TSPAN14: variants seen among roughly 807,000 people sequenced by gnomAD.
TSPAN14 encodes the protein tetraspanin 14.
TSPAN14 carries 16 observed loss-of-function variants against 36.6 expected under a neutral mutation model. The ratio of observed to expected loss-of-function variants is 0.44; its 90% CI spans 0.30 to 0.66. The LOEUF (loss-of-function observed/expected upper bound fraction) is 0.66. Among genes scored for constraint, TSPAN14 ranks in the 30% least tolerant of loss-of-function variants. The pLI, the probability that TSPAN14 is intolerant of heterozygous loss-of-function variation, is 0.12. For missense variants in TSPAN14, 231 were observed against 355.1 expected (o/e 0.65, Z 2.81); for synonymous variants, 139 against 143.8 (o/e 0.97, Z 0.24).
At chr10:80,511,709 G>GT (rs1840630278) in intron 5 of TSPAN14, among the ~76,000 whole-genome samples, 1 of 80,404 alleles carries the variant, frequency 1.2e-5, no homozygotes, top group East Asian at 3.2e-4. Context: ...AAAAGGGCAG[G>GT]TCCTCTCTCT....
At chr10:80,470,894 G>C (rs1846511643) in intron 1 of TSPAN14, among the ~76,000 whole-genome samples, 1 of 152,138 alleles carries the variant, frequency 6.6e-6, no homozygotes. Flanking sequence ...TTCATTGGAG[G>C]GTCAGTCTCG....
chr10:80,480,270 T>G (rs1847181545), intron 1 of TSPAN14, among the ~76,000 whole-genome samples: 1 of 151,700 alleles, frequency 6.6e-6, no homozygotes, highest in African/African-American at 2.4e-5. Context: ...CTTTTCCTAA[T>G]TGAATACCCT....
intron 1 of TSPAN14, among the ~76,000 whole-genome samples, chr10:80,456,036 C>T (rs146801019): frequency 5.5e-4 from 84 of 152,248 alleles, no homozygotes; most frequent in Middle Eastern, 3.4e-3. Flanking sequence ...CTGCTTGGGC[C>T]ACCTAATGTC....
intron 2 of TSPAN14, among the ~76,000 whole-genome samples, chr10:80,495,341 G>A (rs1358015178): frequency 4.5e-5 from 4 of 88,734 alleles, no homozygotes; most frequent in African/African-American, 2.6e-4. Context: ...GGCACTGTGT[G>A]TGTGTGTGTG....
intron 1 of TSPAN14, among the ~76,000 whole-genome samples, chr10:80,474,380 G>T (rs1263828635): frequency 6.6e-6 from 1 of 151,968 alleles, no homozygotes; most frequent in Non-Finnish European, 1.5e-5. Flanking sequence ...GGGTGGGGTT[G>T]AAGGTAGAGA....
chr10:80,454,527 G>A (rs1481873915), intron 1 of TSPAN14, among the ~76,000 whole-genome samples, 156 bp downstream of exon 1: 1 of 151,768 alleles, frequency 6.6e-6, no homozygotes, highest in Non-Finnish European at 1.5e-5. Context: ...GAGCGGCCCC[G>A]CGGGCGGCGC....
At chr10:80,473,429 G>T (rs1274484753) in intron 1 of TSPAN14, among the ~76,000 whole-genome samples, 9 of 152,338 alleles carry the variant, frequency 5.9e-5, no homozygotes, top group East Asian at 1.9e-4. Flanking sequence ...CCTTTGGAGA[G>T]CCTGGTGGAG....
At chr10:80,487,711 T>C (rs1166615395) in intron 1 of TSPAN14, among the ~76,000 whole-genome samples, 2 of 142,654 alleles carry the variant, frequency 1.4e-5, no homozygotes, top group South Asian at 2.4e-4. Flanking sequence ...GCAAGTTTTA[T>C]GGATGTGCTC....
chr10:80,519,324 C>T (rs1368801484), exon 9 of TSPAN14: 1 of 152,684 alleles, frequency 6.5e-6, no homozygotes, highest in Non-Finnish European at 1.5e-5. Context: ...TGGGGCTGCT[C>T]TTGGAAATGA....
In TSPAN14 at chr10:80,509,185, C is replaced by T; in HGVS notation, c.280-116C>T. Reference sequence around the variant, plus strand: ...TTCTGGGGCCCCGATGTGGGACTCTCAGGTGCAGAGCCCACGCTCTGCTGA... The same window carrying T: ...TTCTGGGGCCCCGATGTGGGACTCTTAGGTGCAGAGCCCACGCTCTGCTGA... On this transcript the variant is annotated intron_variant, in intron 4 of 8. Transcript: ENST00000429989. The surrounding 1 kb of genome is among the most constrained non-coding windows in gnomAD (Gnocchi z 4.7). The T allele has an allele frequency of 8.7e-7, 1 of 1,153,982 alleles. No homozygotes were observed. Among genetic ancestry groups the T allele is most frequent in the Non-Finnish European group, 1.2e-6 (1 of 815,962 alleles). The allele number at this position is 1,153,982 out of a possible 1,614,324, so 71.5% of individuals were successfully genotyped here. A position where few individuals can be genotyped will look rare whatever the true frequency, so the allele number is the denominator to read the frequency against.
At chr10:80,470,000 C>G (rs935779350) in intron 1 of TSPAN14, among the ~76,000 whole-genome samples, 1 of 152,170 alleles carries the variant, frequency 6.6e-6, no homozygotes, top group Non-Finnish European at 1.5e-5. Flanking sequence ...TACTTCCTCC[C>G]ATATACTTTA....
chr10:80,510,978 C>A (rs752455742), intron 5 of TSPAN14, among the ~76,000 whole-genome samples: 40 of 152,192 alleles, frequency 2.6e-4, no homozygotes, highest in Non-Finnish European at 5.0e-4. Flanking sequence ...TTCAGGTAAT[C>A]ACTAAAGCAA....
At chr10:80,462,790 T>C (rs142198692) in intron 1 of TSPAN14, among the ~76,000 whole-genome samples, 96 of 152,244 alleles carry the variant, frequency 6.3e-4, no homozygotes, top group African/African-American at 2.1e-3. Flanking sequence ...TCCTTGGAAT[T>C]GGGCCAGGCC....
chr10:80,479,650 ATATC>A (rs1589255631), intron 1 of TSPAN14, among the ~76,000 whole-genome samples: 1 of 152,134 alleles, frequency 6.6e-6, no homozygotes, highest in East Asian at 1.9e-4. Context: ...CCATTGGTCT[ATATC>A]TCTGTTTTGG....
intron 1 of TSPAN14, among the ~76,000 whole-genome samples, chr10:80,479,544 T>C (rs979557849): frequency 1.3e-5 from 2 of 152,046 alleles, no homozygotes; most frequent in African/African-American, 4.8e-5. Flanking sequence ...ATTTATTAAA[T>C]AGGGAATCCT....
At chr10:80,478,236 T>C (rs1430213762) in intron 1 of TSPAN14, among the ~76,000 whole-genome samples, 2 of 152,028 alleles carry the variant, frequency 1.3e-5, no homozygotes, top group African/African-American at 4.8e-5. Flanking sequence ...AGAAAATTTT[T>C]CAAAAATAAG....
At chr10:80,484,937 T>C (rs990065791) in intron 1 of TSPAN14, among the ~76,000 whole-genome samples, 2 of 152,238 alleles carry the variant, frequency 1.3e-5, no homozygotes, top group African/African-American at 2.4e-5. Flanking sequence ...CTCAAGTTGC[T>C]AACCAGTTAT....
chr10:80,495,641 A>G lies in TSPAN14; in HGVS notation c.81+6327A>G, dbSNP rs115171206. 5.6e-3 allele frequency among the ~76,000 whole-genome samples: 847 copies of G among 152,316 alleles called. 11 individuals are homozygous for G. Among genetic ancestry groups the G allele is most frequent in the African/African-American group, 0.019 (804 of 41,570 alleles). ...TTGCACGTACTTTCAAGTCTTAAGT[A>G]GTTTGGTGTGCTTGTATAACTCTGC... On this transcript the variant is annotated intron_variant, in intron 2 of 8. Transcript: ENST00000429989.
chr10:80,503,914 G>A (rs1390250959), intron 2 of TSPAN14, among the ~76,000 whole-genome samples: 2 of 152,036 alleles, frequency 1.3e-5, no homozygotes, highest in East Asian at 1.9e-4. Context: ...CAGAGCCCAC[G>A]TTGTGTTTTG....
Sources: allele counts gnomAD v4.1 joint callset (sites outside exome capture counted in the v4.1 genomes callset), GRCh38; gene constraint gnomAD v4.1.1; non-coding constraint Gnocchi (gnomAD v3.1); transcripts MANE v1.5; gene names NCBI Gene and HGNC (gene_info 2026-07-23, HGNC 2026-07-21).